IL7: variants seen among roughly 807,000 people sequenced by gnomAD.
The protein encoded by IL7 is interleukin 7.
Under a neutral mutation model 21.6 loss-of-function variants are expected in IL7, and 3 were observed. The ratio of observed to expected loss-of-function variants is 0.14; its 90% CI spans 0.06 to 0.36. The LOEUF (loss-of-function observed/expected upper bound fraction) is 0.36, where lower values mean the gene tolerates loss of function less well. Among genes scored for constraint, IL7 ranks in the 10% least tolerant of loss-of-function variants. IL7 has a pLI of 1.00. For missense variants in IL7, 175 were observed against 200.2 expected, an observed-to-expected ratio of 0.87 and a Z score of 0.76; for synonymous variants, 62 against 68.1, an observed-to-expected ratio of 0.91 and a Z score of 0.44.
rs574775786 is a variant in IL7, at chr8:78,804,272, C to CAACAAA, written c.10+635_10+640dup. Among the ~76,000 whole-genome samples the CAACAAA allele has an allele frequency of 3.9e-5, 6 of 152,050 alleles. No homozygotes were observed. In the South Asian group the frequency reaches 6.2e-4, roughly 16 times the overall value. ...AAGAAGCGCCCGTAGGAAAAAATAA[C>CAACAAA]AACAAAAACAAAAACAAAAACAAAA... On this transcript the variant is annotated intron_variant, in intron 1 of 5. Coordinates refer to ENST00000263851, the MANE Select transcript of IL7 (RefSeq NM_000880.4).
At chr8:78,770,534 T>A (rs1176985758) in intron 2 of IL7, among the ~76,000 whole-genome samples, 1 of 152,102 alleles carries the variant, frequency 6.6e-6, no homozygotes, top group Non-Finnish European at 1.5e-5. Context: ...ATATCTCTCT[T>A]TTATTCTGAA....
At chr8:78,695,035 A>C (rs916138768) in intron 3 of IL7, among the ~76,000 whole-genome samples, 2 of 152,166 alleles carry the variant, frequency 1.3e-5, no homozygotes, top group South Asian at 4.1e-4. Context: ...TAGAATAGAT[A>C]GAATATAGCT....
chr8:78,772,927 G>T (rs1813006175), intron 2 of IL7, among the ~76,000 whole-genome samples: 1 of 152,086 alleles, frequency 6.6e-6, no homozygotes, highest in Non-Finnish European at 1.5e-5. Flanking sequence ...TCACAAACAA[G>T]TAAGGCTGAC....
intron 2 of IL7, among the ~76,000 whole-genome samples, chr8:78,757,943 T>G (rs1345139007): frequency 6.6e-6 from 1 of 152,064 alleles, no homozygotes; most frequent in Non-Finnish European, 1.5e-5. Context: ...ATCTCATGGT[T>G]TTATAAATGA....
At chr8:78,699,133 T>TAG (rs1563633441) in intron 3 of IL7, among the ~76,000 whole-genome samples, 1 of 152,106 alleles carries the variant, frequency 6.6e-6, no homozygotes, top group Non-Finnish European at 1.5e-5. Context: ...GTGATTCTGT[T>TAG]AGGAAAATGT....
In IL7 at chr8:78,786,171, G is replaced by T. The variant is rs138604145; in HGVS notation, c.147+11901C>A. Among the ~76,000 whole-genome samples, 11 of 152,074 alleles carry T rather than the reference G, an allele frequency of 7.2e-5. No homozygotes were observed. In the South Asian group the frequency reaches 2.1e-3, roughly 29 times the overall value. ...GGTGCCATTAGATGATTTCATCATCGCACAAACATCATAGAACCCAAACCT... is the reference window on the plus strand; with the variant it reads ...GGTGCCATTAGATGATTTCATCATCTCACAAACATCATAGAACCCAAACCT... On this transcript the variant is annotated intron_variant, in intron 2 of 5. Coordinates refer to ENST00000263851, the MANE Select transcript of IL7 (RefSeq NM_000880.4).
chr8:78,751,385 A>G (rs1227399446), intron 2 of IL7, among the ~76,000 whole-genome samples: 1 of 152,218 alleles, frequency 6.6e-6, no homozygotes, highest in Non-Finnish European at 1.5e-5. Context: ...TGTTTAAATT[A>G]TGTACTCTGT....
At chr8:78,778,585 T>C (rs1201022581) in intron 2 of IL7, among the ~76,000 whole-genome samples, 1 of 152,182 alleles carries the variant, frequency 6.6e-6, no homozygotes, top group Non-Finnish European at 1.5e-5. Flanking sequence ...GTCTCTATTC[T>C]TTTCCATTGG....
intron 3 of IL7, among the ~76,000 whole-genome samples, chr8:78,702,888 AATTTT>A (rs963621863): frequency 5.9e-5 from 9 of 151,834 alleles, no homozygotes; most frequent in Non-Finnish European, 7.4e-5. Flanking sequence ...TTATGTGATC[AATTTT>A]ATTTTATTTT....
intron 2 of IL7, chr8:78,760,839 C>T (rs1389780933): frequency 6.4e-7 from 1 of 1,554,218 alleles, no homozygotes; most frequent in Non-Finnish European, 8.7e-7. Flanking sequence ...TCATTATAAA[C>T]TTCAATATTT....
intron 2 of IL7, among the ~76,000 whole-genome samples, chr8:78,771,762 C>CT (rs2130788645): frequency 6.6e-6 from 1 of 152,138 alleles, no homozygotes; most frequent in South Asian, 2.1e-4. Flanking sequence ...ATTCTTCAGC[C>CT]TGGAGGATTC....
intron 2 of IL7, among the ~76,000 whole-genome samples, chr8:78,751,649 G>C (rs541283323): frequency 1.3e-5 from 2 of 151,922 alleles, no homozygotes; most frequent in African/African-American, 4.8e-5. Flanking sequence ...CACAATAGTC[G>C]TACATATTTA....
chr8:78,783,335 G>A (rs1813404315), intron 2 of IL7, among the ~76,000 whole-genome samples: 1 of 152,138 alleles, frequency 6.6e-6, no homozygotes, highest in South Asian at 2.1e-4. Context: ...TGCCTCCCTT[G>A]GCTGGGGATG....
intron 1 of IL7, among the ~76,000 whole-genome samples, chr8:78,803,660 A>T (rs1425195699): frequency 6.6e-6 from 1 of 152,194 alleles, no homozygotes; most frequent in Non-Finnish European, 1.5e-5. Flanking sequence ...TCTACTTTAG[A>T]GCAGAGGTGT....
At chr8:78,788,971 C>T (rs1195454089) in intron 2 of IL7, among the ~76,000 whole-genome samples, 1 of 152,084 alleles carries the variant, frequency 6.6e-6, no homozygotes, top group Non-Finnish European at 1.5e-5. Context: ...TTATGTAATG[C>T]ACCCTCTTTA....
At chr8:78,799,556 T>C (rs954270259) in intron 1 of IL7, among the ~76,000 whole-genome samples, 7 of 152,116 alleles carry the variant, frequency 4.6e-5, no homozygotes, top group African/African-American at 1.7e-4. Context: ...ATGATGAGCA[T>C]GAATTAACTT....
rs952742666 is a variant in IL7, at chr8:78,776,387, G to T, written c.147+21685C>A. 2.0e-5 allele frequency among the ~76,000 whole-genome samples: 3 copies of T among 152,024 alleles called. No individual in the cohort carries two copies. In the East Asian group the frequency reaches 5.8e-4, roughly 29 times the overall value. On this transcript the variant is annotated intron_variant, in intron 2 of 5. Coordinates refer to ENST00000263851, the MANE Select transcript of IL7 (RefSeq NM_000880.4). ...GAACGGCACACAATTTAAAATTTAC[G>T]AATTATTTCTGGAAGTTTCCATAGA...
intron 3 of IL7, chr8:78,686,551 C>G (rs1178359896): frequency 1.3e-6 from 2 of 1,544,452 alleles, no homozygotes; most frequent in East Asian, 2.4e-5. Flanking sequence ...AGGCCTTGAT[C>G]AGGCCCTCAA....
At chr8:78,760,633 G>T in intron 2 of IL7, 2 of 1,580,638 alleles carry the variant, frequency 1.3e-6, no homozygotes, top group East Asian at 4.5e-5. Context: ...GAGCTTTGAG[G>T]TGCTGTTCTG....
Sources: gnomAD v4.1 joint callset for allele counts (sites outside exome capture counted in the v4.1 genomes callset) on GRCh38, gnomAD v4.1.1 for gene constraint, MANE v1.5 for transcripts, NCBI Gene and HGNC (gene_info 2026-07-23, HGNC 2026-07-21) for gene names.